CEACAM21: variants seen among roughly 807,000 people sequenced by gnomAD.
CEACAM21 encodes the protein CEA cell adhesion molecule 21.
In CEACAM21, 38 loss-of-function variants were observed where a neutral mutation model predicts 33.2. The ratio of observed to expected loss-of-function variants is 1.14; its 90% CI spans 0.88 to 1.50. The LOEUF (loss-of-function observed/expected upper bound fraction) is 1.50. CEACAM21 is among the 40% of genes most tolerant of loss of function. The pLI is 0.00. For synonymous variants in CEACAM21, 156 were observed against 143.0 expected, an observed-to-expected ratio of 1.09 and a Z score of -0.65; for missense variants, 385 against 364.6, an observed-to-expected ratio of 1.06 and a Z score of -0.46.
At chr19:41,583,168 G>T (rs996664546) in intron 3 of CEACAM21, among the ~76,000 whole-genome samples, 4 of 152,144 alleles carry the variant, frequency 2.6e-5, no homozygotes, top group Admixed American at 6.5e-5. Flanking sequence ...AAGTTCTGCA[G>T]ATCTCTAGGG....
intron 2 of CEACAM21, among the ~76,000 whole-genome samples, chr19:41,567,642 C>T (rs1239533988): frequency 1.3e-5 from 2 of 152,168 alleles, no homozygotes; most frequent in African/African-American, 2.4e-5. Context: ...TTAGGGTCAC[C>T]TATATTTGGT....
At chr19:41,555,476 A>G (rs2041477183) in intron 1 of CEACAM21, 1 of 151,686 alleles carries the variant, frequency 6.6e-6, no homozygotes, top group Admixed American at 6.6e-5. Context: ...TTCTAACTGG[A>G]CCTCTGATCT....
At chr19:41,551,091 T>C (rs1200839461) in intron 1 of CEACAM21, 2 of 152,122 alleles carry the variant, frequency 1.3e-5, no homozygotes, top group African/African-American at 4.8e-5. Context: ...GAAAGACAAG[T>C]GTCTTTTGAT....
At chr19:41,571,885 TG>T (rs1182771220), upstream of CEACAM21, among the ~76,000 whole-genome samples, 9 of 152,068 alleles carry the variant, frequency 5.9e-5, no homozygotes, top group African/African-American at 1.9e-4. Context: ...TTTCAGACCC[TG>T]GGCAGAATCT....
In CEACAM21 at chr19:41,584,104, A is replaced by G. The variant is rs78168298; in HGVS notation, c.701-243A>G. Reference sequence around the variant, plus strand: ...AGGGACTAAAAAACACAGGAGCAGGATGAGGTGCAGGCTTCCTGTGGGAGA... The same window carrying G: ...AGGGACTAAAAAACACAGGAGCAGGGTGAGGTGCAGGCTTCCTGTGGGAGA... On this transcript the variant is annotated intron_variant, in intron 3 of 6. Coordinates refer to ENST00000401445, the MANE Select transcript of CEACAM21 (RefSeq NM_001098506.4). Among the ~76,000 whole-genome samples the G allele has an allele frequency of 8.6e-3, 1,317 of 152,320 alleles. 21 individuals are homozygous for G. The highest frequency in any genetic ancestry group is 0.03 in the African/African-American group (1,234 of 41,568).
Position 41,576,326 on chromosome 19 carries a change from C to A in CEACAM21, c.52C>A (p.Leu18Ile), listed in dbSNP as rs782345746. 1.2e-6 allele frequency: 2 copies of A among 1,611,196 alleles called. No individual in the cohort carries two copies. The highest frequency in any genetic ancestry group is 8.5e-7 in the Non-Finnish European group (1 of 1,178,458). ...PHRECIPWQGLLLTASLLTFW... is the reference protein window; with the variant it reads ...PHRECIPWQGILLTASLLTFW... ...CAGAGAATGCATCCCCTGGCAGGGG[C>A]TCTTGCTCACAGGTGAGGGGAGGAC... The change falls in exon 1 of 7, where the codon CTC (leucine) becomes ATC (isoleucine). Residue 18 changes from leucine to isoleucine, a missense_variant. Transcript: ENST00000401445.
intron 1 of CEACAM21, among the ~76,000 whole-genome samples, chr19:41,557,052 C>T (rs145554703): frequency 7.6e-4 from 116 of 152,228 alleles, no homozygotes; most frequent in African/African-American, 2.6e-3. Context: ...TGATTCAATC[C>T]AACACCTACT....
At chr19:41,578,961 T>G (rs1374055330) in intron 2 of CEACAM21, among the ~76,000 whole-genome samples, 1 of 152,178 alleles carries the variant, frequency 6.6e-6, no homozygotes, top group Non-Finnish European at 1.5e-5. Context: ...CTTTACAGAC[T>G]GGGTCCTGGA....
At chr19:41,569,543 G>A (rs1391628976) in intron 2 of CEACAM21, among the ~76,000 whole-genome samples, 1 of 152,094 alleles carries the variant, frequency 6.6e-6, no homozygotes, top group Non-Finnish European at 1.5e-5. Flanking sequence ...GTTCAGAGAG[G>A]GCAGGGCCTG....
At chr19:41,553,968 GAAAC>G (rs1555784981) in intron 1 of CEACAM21, among the ~76,000 whole-genome samples, 1 of 151,998 alleles carries the variant, frequency 6.6e-6, no homozygotes, top group African/African-American at 2.4e-5. Flanking sequence ...CGGGTAGAGA[GAAAC>G]AAATAATGCT....
At chr19:41,586,007 T>C (rs1469783978) in intron 6 of CEACAM21, 136 bp downstream of exon 6, 3 of 898,180 alleles carry the variant, frequency 3.3e-6, no homozygotes, top group Non-Finnish European at 3.5e-6. Context: ...GCCCTGGCCA[T>C]GAGCTGGGCC....
intron 3 of CEACAM21, among the ~76,000 whole-genome samples, chr19:41,580,180 A>G (rs782735575): frequency 2.0e-5 from 3 of 152,198 alleles, no homozygotes; most frequent in Non-Finnish European, 4.4e-5. Context: ...TACTGAAACT[A>G]TAAGTTTCAG....
At chr19:41,584,030 G>C (rs939879306) in intron 3 of CEACAM21, among the ~76,000 whole-genome samples, 3 of 152,138 alleles carry the variant, frequency 2.0e-5, no homozygotes, top group Non-Finnish European at 2.9e-5. Context: ...CGACTGCCAT[G>C]GGATGGAAAA....
At position 41,579,572 on chromosome 19, in the gene CEACAM21, A is replaced by T. The variant is rs1555792765; in HGVS notation, c.644A>T (p.Glu215Val). 1.9e-6 allele frequency: 3 copies of T among 1,598,648 alleles called. No individual in the cohort carries two copies. The highest frequency in any genetic ancestry group is 2.6e-6 in the Non-Finnish European group (3 of 1,172,482). The change falls in exon 3 of 7, where the codon GAG (glutamate) becomes GTG (valine). Residue 215 changes from glutamate (E) to valine (V), a missense_variant. Coordinates refer to ENST00000401445, the MANE Select transcript of CEACAM21 (RefSeq NM_001098506.4). ...GAGGACGCTGGGGAGTATCAGTGTG[A>T]GGTCTCCAACCCAGTCAGCTCCAAC... ...RQEDAGEYQC[E>V]VSNPVSSNRS...
chr19:41,576,234 GCTCCT>G lies in CEACAM21; in HGVS notation c.-36_-32del. On this transcript the variant is annotated 5_prime_UTR_variant, in exon 1 of 7. Transcript: ENST00000401445. ...TGTCTAGAGCGTTCCTGGAGCCCAA[GCTCCT>G]CTCCACAGAGGAGGACAGAGCAGGC... 1 of 1,609,554 alleles carries G rather than the reference GCTCCT, an allele frequency of 6.2e-7. No individual in the cohort carries two copies. Among genetic ancestry groups the G allele is most frequent in the Non-Finnish European group, 8.5e-7 (1 of 1,175,946 alleles).
At chr19:41,583,851 G>A (rs1555794220) in intron 3 of CEACAM21, among the ~76,000 whole-genome samples, 1 of 152,162 alleles carries the variant, frequency 6.6e-6, no homozygotes. Flanking sequence ...CACCAAATAC[G>A]TATTTCACAA....
intron 1 of CEACAM21, chr19:41,553,817 G>A (rs555784461): frequency 6.6e-6 from 1 of 152,132 alleles, no homozygotes; most frequent in African/African-American, 2.4e-5. Flanking sequence ...ACAGCATTCT[G>A]GTCAAAACCT....
rs782084467 is a variant in CEACAM21, at chr19:41,579,481, C to T, written c.553C>T (p.Gln185Ter). The T allele has an allele frequency of 1.2e-6, 2 of 1,613,898 alleles. No individual in the cohort carries two copies. The highest frequency in any genetic ancestry group is 2.2e-5 in the East Asian group (1 of 44,866). The change falls in exon 3 of 7, where the codon CAG (glutamine) becomes TAG (stop). Residue 185 changes from glutamine (Q) to a stop codon, truncating the protein, a stop_gained. Coordinates refer to ENST00000401445, the MANE Select transcript of CEACAM21 (RefSeq NM_001098506.4). LOFTEE classifies it high-confidence loss of function. Reference sequence around the variant, plus strand: ...GTGGATTTTCAACAACCAGCGTCTGCAGGTCACGAAGAGGATGAAGCTGTC... The same window carrying T: ...GTGGATTTTCAACAACCAGCGTCTGTAGGTCACGAAGAGGATGAAGCTGTC... Reference protein sequence around the residue: ...FQWIFNNQRLQVTKRMKLSWF... With the variant: ...FQWIFNNQRL
Position 41,576,231 on chromosome 19 carries a change from C to G in CEACAM21, c.-44C>G, listed in dbSNP as rs1438617089. The G allele has an allele frequency of 4.3e-6, 7 of 1,610,024 alleles. No individual in the cohort carries two copies. The highest frequency in any genetic ancestry group is 5.9e-6 in the Non-Finnish European group (7 of 1,176,568). On this transcript the variant is annotated 5_prime_UTR_variant, in exon 1 of 7. Transcript: ENST00000401445. ...CCCTGTCTAGAGCGTTCCTGGAGCC[C>G]AAGCTCCTCTCCACAGAGGAGGACA...
Sources: gnomAD v4.1 joint callset for allele counts (sites outside exome capture counted in the v4.1 genomes callset) on GRCh38, gnomAD v4.1.1 for gene constraint, MANE v1.5 for transcripts, NCBI Gene and HGNC (gene_info 2026-07-23, HGNC 2026-07-21) for gene names.